Variants in LIN28B observed in about 807,000 individuals in gnomAD.
LIN28B encodes the protein protein lin-28 homolog B.
LIN28B carries 5 observed loss-of-function variants against 21.9 expected under a neutral mutation model. That is an observed-to-expected ratio of 0.23 (90% CI 0.12 to 0.48). LIN28B has a LOEUF of 0.48. Among genes scored for constraint, LIN28B ranks in the 20% least tolerant of loss-of-function variants. The pLI, the probability that LIN28B is intolerant of heterozygous loss-of-function variation, is 0.98. For missense variants in LIN28B, 245 were observed against 310.5 expected (o/e 0.79, Z 1.58); for synonymous variants, 109 against 111.3 (o/e 0.98, Z 0.13).
intron 3 of LIN28B, among the ~76,000 whole-genome samples, chr6:105,063,651 A>T (rs981214507): frequency 6.7e-6 from 1 of 148,332 alleles, no homozygotes; most frequent in Non-Finnish European, 1.5e-5. Context: ...GGGGGGGGAA[A>T]AAAAGGTAAA....
At chr6:105,057,016 A>C (rs2114395152) in intron 3 of LIN28B, among the ~76,000 whole-genome samples, 1 of 152,326 alleles carries the variant, frequency 6.6e-6, no homozygotes, top group Non-Finnish European at 1.5e-5. Context: ...TAGACCACAG[A>C]AGAGTAAGTC....
chr6:104,960,544 A>G (rs1769718329), intron 2 of LIN28B, among the ~76,000 whole-genome samples: 1 of 151,938 alleles, frequency 6.6e-6, no homozygotes, highest in African/African-American at 2.4e-5. Flanking sequence ...ACCTATGTCT[A>G]CTCAAAATTT....
intron 2 of LIN28B, among the ~76,000 whole-genome samples, chr6:104,948,719 T>A (rs1244116472): frequency 6.6e-6 from 1 of 152,224 alleles, no homozygotes; most frequent in Admixed American, 6.5e-5. Context: ...ACAATGCTAT[T>A]TTTTCTACTC....
intron 2 of LIN28B, among the ~76,000 whole-genome samples, chr6:104,974,759 T>A (rs1162962244): frequency 1.3e-5 from 2 of 151,812 alleles, no homozygotes; most frequent in Non-Finnish European, 2.9e-5. Context: ...ATAAAAAAAA[T>A]AAATATTGCA....
At chr6:104,970,510 CTTACA>C (rs1465019304) in intron 2 of LIN28B, among the ~76,000 whole-genome samples, 3 of 152,076 alleles carry the variant, frequency 2.0e-5, no homozygotes, top group Non-Finnish European at 2.9e-5. Flanking sequence ...TATGCTTTAC[CTTACA>C]TTACATCCAT....
intron 3 of LIN28B, among the ~76,000 whole-genome samples, chr6:105,048,414 G>A (rs534826396): frequency 3.0e-4 from 46 of 152,180 alleles, no homozygotes; most frequent in Non-Finnish European, 6.0e-4. Flanking sequence ...TGTTGGATTC[G>A]GTTTGCCAGT....
chr6:104,973,004 G>T (rs981597139), intron 2 of LIN28B, among the ~76,000 whole-genome samples: 1 of 151,842 alleles, frequency 6.6e-6, no homozygotes, highest in East Asian at 1.9e-4. Context: ...CCAGCTGTTC[G>T]TGAGGCTGAG....
chr6:105,009,882 C>T (rs543185637), intron 2 of LIN28B, among the ~76,000 whole-genome samples: 24 of 152,288 alleles, frequency 1.6e-4, no homozygotes, highest in Admixed American at 3.9e-4. Flanking sequence ...AATAATTCCG[C>T]AGATTCACTT....
chr6:104,951,492 A>C (rs1778220459), intron 3 of LIN28B, among the ~76,000 whole-genome samples: 1 of 152,030 alleles, frequency 6.6e-6, no homozygotes, highest in Admixed American at 6.6e-5. Flanking sequence ...TTAGTATACC[A>C]CCTAGTTTCC....
At chr6:104,940,637 G>A (rs1039471426) in intron 2 of LIN28B, 1 of 150,518 alleles carries the variant, frequency 6.6e-6, no homozygotes, top group Non-Finnish European at 1.5e-5. Flanking sequence ...GCGTGCCGCC[G>A]GCTGACGCAG....
intron 2 of LIN28B, among the ~76,000 whole-genome samples, chr6:104,980,251 A>G (rs1040842598): frequency 1.3e-5 from 2 of 152,246 alleles, no homozygotes; most frequent in African/African-American, 4.8e-5. Context: ...TGATGAATCT[A>G]TATGTGTAAC....
At chr6:105,031,349 G>A (rs1379024647) in intron 3 of LIN28B, among the ~76,000 whole-genome samples, 1 of 151,762 alleles carries the variant, frequency 6.6e-6, no homozygotes, top group African/African-American at 2.4e-5. Flanking sequence ...CTTTCATACT[G>A]ACCTTATGGC....
chr6:104,939,678 TG>T (rs1778056721), intron 2 of LIN28B: 1 of 152,262 alleles, frequency 6.6e-6, no homozygotes, highest in South Asian at 2.1e-4. Context: ...TACTTTCAAA[TG>T]AAAGTGTTTT....
intron 2 of LIN28B, among the ~76,000 whole-genome samples, chr6:104,990,761 AC>A (rs999886815): frequency 7.3e-5 from 11 of 151,442 alleles, no homozygotes; most frequent in Admixed American, 5.3e-4. Context: ...AGTGGTGATG[AC>A]TCTTAACGAG....
chr6:104,939,009 C>A (rs1778048353), intron 2 of LIN28B, among the ~76,000 whole-genome samples: 1 of 152,066 alleles, frequency 6.6e-6, no homozygotes, highest in South Asian at 2.1e-4. Flanking sequence ...ATATACATCA[C>A]ACTTAAATGC....
chr6:105,047,230 G>C (rs187228409), intron 3 of LIN28B, among the ~76,000 whole-genome samples: 50 of 152,024 alleles, frequency 3.3e-4, no homozygotes, highest in African/African-American at 1.1e-3. Flanking sequence ...TCAGCTTTCT[G>C]CATATGGCTA....
At chr6:105,007,572 T>C (rs376500936) in intron 2 of LIN28B, among the ~76,000 whole-genome samples, 5 of 151,974 alleles carry the variant, frequency 3.3e-5, no homozygotes, top group African/African-American at 1.2e-4. Context: ...TTGCCCAGGC[T>C]GGAGTGCAGT....
intron 2 of LIN28B, among the ~76,000 whole-genome samples, chr6:104,962,783 A>G (rs1042374510): frequency 6.6e-6 from 1 of 152,152 alleles, no homozygotes; most frequent in African/African-American, 2.4e-5. Flanking sequence ...GCATAAAATC[A>G]TTTTTCACAT....
At chr6:104,989,545 C>G (rs1232169795) in intron 2 of LIN28B, among the ~76,000 whole-genome samples, 2 of 133,264 alleles carry the variant, frequency 1.5e-5, no homozygotes, top group Non-Finnish European at 3.2e-5. Flanking sequence ...GCTTTCTTAG[C>G]TGTCTGAAAC....
Sources: allele counts gnomAD v4.1 joint callset (sites outside exome capture counted in the v4.1 genomes callset), GRCh38; gene constraint gnomAD v4.1.1; transcripts MANE v1.5; gene names NCBI Gene and HGNC (gene_info 2026-07-23, HGNC 2026-07-21).